The following FRMD4A variants were observed in gnomAD, a reference collection of about 807,000 sequenced individuals.
FRMD4A encodes the protein FERM domain-containing protein 4A.
A neutral mutation model predicts 129.1 loss-of-function variants in FRMD4A; 29 were observed. That is an observed-to-expected ratio of 0.22 (90% CI 0.17 to 0.31). The LOEUF is 0.31. Ranked by LOEUF, FRMD4A falls within the 10% of genes least tolerant of loss-of-function variation. The pLI is 1.00. For synonymous variants in FRMD4A, 634 were observed against 571.6 expected (o/e 1.11, Z -1.56); for missense variants, 1,272 against 1,375.8 (o/e 0.92, Z 1.19).
intron 4 of FRMD4A, among the ~76,000 whole-genome samples, chr10:13,797,512 A>C (rs1285800735): frequency 6.6e-6 from 1 of 152,142 alleles, no homozygotes. Flanking sequence ...GTGGAAAGCC[A>C]TGAGGCTAGG....
In FRMD4A at chr10:13,884,214, A is replaced by ACT. The variant is rs2094590383; in HGVS notation, c.46-25303_46-25302insAG. ...CACACACTCACACACACACTCACAC[A>ACT]CACACACACACACACACACACACAC... On this transcript the variant is annotated intron_variant, in intron 2 of 24. Transcript: ENST00000357447. 4.5e-4 allele frequency among the ~76,000 whole-genome samples: 52 copies of ACT among 115,304 alleles called. 1 individual carries two copies. The highest frequency in any genetic ancestry group is 1.7e-3 in the South Asian group (4 of 2,394). The allele number at this position is 115,304 out of a possible 152,430, so 75.6% of individuals were successfully genotyped here.
At chr10:13,774,774 C>T (rs1223140577) in intron 6 of FRMD4A, among the ~76,000 whole-genome samples, 2 of 151,450 alleles carry the variant, frequency 1.3e-5, no homozygotes, top group Non-Finnish European at 2.9e-5. Context: ...GAGGAAGCCT[C>T]GTACAGGAAA....
chr10:14,002,299 T>C (rs749196915), intron 2 of FRMD4A, among the ~76,000 whole-genome samples: 8 of 152,232 alleles, frequency 5.3e-5, no homozygotes, highest in Non-Finnish European at 1.2e-4. Context: ...GATTTGAGTC[T>C]GATTGGCTGT....
At chr10:13,955,245 C>A (rs966712928) in intron 2 of FRMD4A, among the ~76,000 whole-genome samples, 1 of 151,346 alleles carries the variant, frequency 6.6e-6, no homozygotes, top group Non-Finnish European at 1.5e-5. Context: ...GTAGCTGGGA[C>A]TACAGGCGCT....
chr10:13,799,722 T>C (rs1167363565), intron 4 of FRMD4A, among the ~76,000 whole-genome samples: 1 of 152,100 alleles, frequency 6.6e-6, no homozygotes, highest in Non-Finnish European at 1.5e-5. Flanking sequence ...CATCCCTTTA[T>C]CTGAATGTTT....
At chr10:14,193,474 C>CCACA (rs1238709830) in intron 2 of FRMD4A, among the ~76,000 whole-genome samples, 13 of 134,854 alleles carry the variant, frequency 9.6e-5, no homozygotes, top group South Asian at 2.3e-4. Context: ...ACCCACCCAC[C>CCACA]CACACACACA....
chr10:13,772,992 G>T (rs1293084416), intron 6 of FRMD4A, among the ~76,000 whole-genome samples: 1 of 152,134 alleles, frequency 6.6e-6, no homozygotes, highest in East Asian at 1.9e-4. Flanking sequence ...ATGCTTGAGG[G>T]GGTGGATACC....
chr10:13,647,137 C>A, intron 24 of FRMD4A, 102 bp from the exon 25 acceptor site: 1 of 164,476 alleles, frequency 6.1e-6, no homozygotes, highest in Non-Finnish European at 1.3e-5. Flanking sequence ...TGACAGGGCC[C>A]TGTGCTAATC....
chr10:14,035,996 C>T (rs1388618978), intron 2 of FRMD4A, among the ~76,000 whole-genome samples: 3 of 150,102 alleles, frequency 2.0e-5, no homozygotes, highest in South Asian at 2.1e-4. Flanking sequence ...GAGCCGACAT[C>T]GTGCCATTGC....
intron 2 of FRMD4A, among the ~76,000 whole-genome samples, chr10:14,233,949 G>A (rs1454833932): frequency 2.0e-5 from 3 of 152,140 alleles, no homozygotes; most frequent in African/African-American, 7.2e-5. Context: ...TTCTAAATAG[G>A]CAACATTTTG....
chr10:14,295,714 T>C (rs571625069), intron 2 of FRMD4A, among the ~76,000 whole-genome samples: 1 of 151,946 alleles, frequency 6.6e-6, no homozygotes, highest in South Asian at 2.1e-4. Context: ...TTAGGTGGAG[T>C]TTGGGAGAGG....
chr10:14,038,747 G>C (rs912979278), intron 2 of FRMD4A, among the ~76,000 whole-genome samples: 1 of 152,184 alleles, frequency 6.6e-6, no homozygotes, highest in South Asian at 2.1e-4. Flanking sequence ...CCCAAGTAAG[G>C]CTGAAGGTTC....
intron 8 of FRMD4A, among the ~76,000 whole-genome samples, chr10:13,756,727 G>A (rs1202224757): frequency 6.6e-6 from 1 of 152,170 alleles, no homozygotes; most frequent in Non-Finnish European, 1.5e-5. Context: ...GGCTGGCAGA[G>A]GTGAAGTGAT....
chr10:14,144,329 T>A (rs1205545287), intron 2 of FRMD4A, among the ~76,000 whole-genome samples: 8 of 151,412 alleles, frequency 5.3e-5, no homozygotes, highest in Non-Finnish European at 1.5e-5. Context: ...GAGAGGGGAG[T>A]GGAGGAGAGA....
In FRMD4A at chr10:13,825,819, G is replaced by A. The variant is rs375603821; in HGVS notation, c.112-14911C>T. Among the ~76,000 whole-genome samples the A allele has an allele frequency of 2.5e-3, 379 of 152,336 alleles. 1 individual carries two copies. The highest frequency in any genetic ancestry group is 8.5e-3 in the African/African-American group (354 of 41,582). On this transcript the variant is annotated intron_variant, in intron 3 of 24. Coordinates refer to ENST00000357447, the MANE Select transcript of FRMD4A (RefSeq NM_018027.5). ...ATTTCAGACTGTGGATAACTGAAACGTGGAAAGTAACACCGCAGATAAGAA... is the reference window on the plus strand; with the variant it reads ...ATTTCAGACTGTGGATAACTGAAACATGGAAAGTAACACCGCAGATAAGAA...
intron 2 of FRMD4A, among the ~76,000 whole-genome samples, chr10:14,318,537 A>G (rs1299305842): frequency 1.3e-5 from 2 of 151,208 alleles, no homozygotes; most frequent in Non-Finnish European, 2.9e-5. Flanking sequence ...ACATGCACTA[A>G]GCACATGTTA....
chr10:13,696,323 G>A (rs971256422), intron 14 of FRMD4A, among the ~76,000 whole-genome samples: 3 of 151,902 alleles, frequency 2.0e-5, no homozygotes, highest in East Asian at 3.9e-4. Context: ...TTTCTACATC[G>A]CTCTGTTATG....
chr10:14,220,102 G>C (rs1353229709), intron 2 of FRMD4A, among the ~76,000 whole-genome samples: 1 of 152,140 alleles, frequency 6.6e-6, no homozygotes, highest in Non-Finnish European at 1.5e-5. Flanking sequence ...GTCCTCTGCT[G>C]TCATCCCAGA....
At chr10:14,267,156 G>A (rs1278453843) in intron 2 of FRMD4A, among the ~76,000 whole-genome samples, 1 of 152,150 alleles carries the variant, frequency 6.6e-6, no homozygotes, top group Non-Finnish European at 1.5e-5. Flanking sequence ...GAAAAAGTGA[G>A]GTTAAGAAAG....
Sources: allele counts gnomAD v4.1 joint callset (sites outside exome capture counted in the v4.1 genomes callset), GRCh38; gene constraint gnomAD v4.1.1; transcripts MANE v1.5; gene names NCBI Gene and HGNC (gene_info 2026-07-23, HGNC 2026-07-21).